The following CAST variants were observed in gnomAD, a reference collection of about 807,000 sequenced individuals.
The protein encoded by CAST is MIR583 host.
CAST carries 76 observed loss-of-function variants against 119.6 expected under a neutral mutation model. The observed-to-expected ratio is 0.64, with a 90% confidence interval of 0.53 to 0.77. The LOEUF (loss-of-function observed/expected upper bound fraction) is 0.77, where lower values mean the gene tolerates loss of function less well. Among genes scored for constraint, CAST ranks in the 30% least tolerant of loss-of-function variants. CAST has a pLI of 0.00. For synonymous variants in CAST, 319 were observed against 331.6 expected, an observed-to-expected ratio of 0.96 and a Z score of 0.41; for missense variants, 953 against 946.5, an observed-to-expected ratio of 1.01 and a Z score of -0.09.
At chr5:96,054,154 T>A in the CAST span, among the ~76,000 whole-genome samples, 1 of 152,196 alleles carries the variant, frequency 6.6e-6, no homozygotes. Context: ...TATTTTAACT[T>A]GTAGTTTTTT....
intron 2 of CAST, among the ~76,000 whole-genome samples, chr5:96,681,206 G>A (rs1443689035): frequency 1.3e-5 from 2 of 152,172 alleles, no homozygotes; most frequent in Non-Finnish European, 2.9e-5. Flanking sequence ...GTGTGTGAAT[G>A]TAAGCATGTT....
At chr5:96,421,125 T>C in the CAST span, among the ~76,000 whole-genome samples, 1 of 152,148 alleles carries the variant, frequency 6.6e-6, no homozygotes, top group Non-Finnish European at 1.5e-5. Flanking sequence ...GAGCGTGAAG[T>C]TTCTTTGGGG....
chr5:96,115,981 G>A, the CAST span, among the ~76,000 whole-genome samples: 2 of 147,464 alleles, frequency 1.4e-5, no homozygotes, highest in African/African-American at 5.0e-5. Context: ...ATTTCTCTTT[G>A]AAGTATACAG....
chr5:96,740,667 C>A, intron 12 of CAST, 78 bp from the exon 13 acceptor site: 1 of 1,023,934 alleles, frequency 9.8e-7, no homozygotes, highest in South Asian at 1.3e-5. Context: ...CAATTCAACC[C>A]ACAACGGGCA....
At chr5:96,281,514 C>G in the CAST span, among the ~76,000 whole-genome samples, 1 of 152,146 alleles carries the variant, frequency 6.6e-6, no homozygotes, top group African/African-American at 2.4e-5. Context: ...GTTTATTTCT[C>G]TCTCACATAA....
the CAST span, among the ~76,000 whole-genome samples, chr5:95,982,509 G>A: frequency 6.6e-6 from 1 of 152,156 alleles, no homozygotes; most frequent in Non-Finnish European, 1.5e-5. Context: ...ACTGTGTGAT[G>A]TTGGCCAAGT....
At chr5:96,119,335 A>G in the CAST span, among the ~76,000 whole-genome samples, 1 of 152,188 alleles carries the variant, frequency 6.6e-6, no homozygotes, top group Admixed American at 6.5e-5. Flanking sequence ...AAAAACAAAA[A>G]CAACCCAAAC....
chr5:96,738,657 G>T (rs1013288763), intron 11 of CAST, among the ~76,000 whole-genome samples: 1 of 151,978 alleles, frequency 6.6e-6, no homozygotes, highest in Non-Finnish European at 1.5e-5. Flanking sequence ...TGCCAGCCAG[G>T]CATGGTGGCT....
At chr5:96,171,125 A>G in the CAST span, among the ~76,000 whole-genome samples, 13 of 152,178 alleles carry the variant, frequency 8.5e-5, no homozygotes, top group Admixed American at 8.5e-4. Flanking sequence ...ACCAATGTGT[A>G]AAACAATGCC....
chr5:96,253,850 A>G, the CAST span, among the ~76,000 whole-genome samples: 29 of 152,232 alleles, frequency 1.9e-4, no homozygotes, highest in Non-Finnish European at 3.5e-4. Flanking sequence ...AGCATATTTT[A>G]TTTCCAAGGA....
chr5:96,287,380 C>A, the CAST span, among the ~76,000 whole-genome samples: 1 of 152,092 alleles, frequency 6.6e-6, no homozygotes, highest in African/African-American at 2.4e-5. Flanking sequence ...TACAAAGAGT[C>A]ATTTCCATGA....
At chr5:96,308,396 G>C in the CAST span, among the ~76,000 whole-genome samples, 1 of 151,924 alleles carries the variant, frequency 6.6e-6, no homozygotes, top group Admixed American at 6.6e-5. Context: ...CATTGGGTTA[G>C]AACATGCTCC....
the CAST span, among the ~76,000 whole-genome samples, chr5:96,307,415 T>A: frequency 6.6e-6 from 1 of 152,336 alleles, no homozygotes; most frequent in East Asian, 1.9e-4. Flanking sequence ...AGTTTGCTCA[T>A]CTGTGTCTTT....
chr5:96,472,339 A>G, the CAST span, among the ~76,000 whole-genome samples: 1 of 152,212 alleles, frequency 6.6e-6, no homozygotes, highest in African/African-American at 2.4e-5. Flanking sequence ...GAAGACATCT[A>G]TAATCCATCA....
the CAST span, among the ~76,000 whole-genome samples, chr5:96,086,046 G>A: frequency 1.3e-5 from 2 of 152,084 alleles, no homozygotes. Context: ...ATACAAAACA[G>A]CATAGTATTT....
intron 1 of CAST, among the ~76,000 whole-genome samples, chr5:96,655,309 G>C (rs1748144337): frequency 6.6e-6 from 1 of 152,226 alleles, no homozygotes; most frequent in African/African-American, 2.4e-5. Context: ...GCATGCACGG[G>C]TCATGCATGG....
the CAST span, among the ~76,000 whole-genome samples, chr5:96,486,213 T>C: frequency 6.6e-6 from 1 of 152,050 alleles, no homozygotes; most frequent in Admixed American, 6.6e-5. Flanking sequence ...GGATGTGCAC[T>C]AGAGCACCAA....
At chr5:96,169,223 T>G in the CAST span, among the ~76,000 whole-genome samples, 3 of 152,114 alleles carry the variant, frequency 2.0e-5, no homozygotes, top group Non-Finnish European at 4.4e-5. Context: ...AATTTGGGCT[T>G]GACTGAGATA....
the CAST span, among the ~76,000 whole-genome samples, chr5:96,336,316 A>G: frequency 6.6e-6 from 1 of 152,214 alleles, no homozygotes; most frequent in Non-Finnish European, 1.5e-5. Context: ...TTAGTATTAT[A>G]AGGGAAGTTT....
Sources: allele counts gnomAD v4.1 joint callset (sites outside exome capture counted in the v4.1 genomes callset), GRCh38; gene constraint gnomAD v4.1.1; transcripts MANE v1.5; gene names NCBI Gene and HGNC (gene_info 2026-07-23, HGNC 2026-07-21).